The following RBFOX3 variants were observed in gnomAD, a reference collection of about 807,000 sequenced individuals.
RBFOX3 encodes RNA binding fox-1 homolog 3.
Under a neutral mutation model 48.7 loss-of-function variants are expected in RBFOX3, and 17 were observed. The ratio of observed to expected loss-of-function variants is 0.35; its 90% CI spans 0.24 to 0.52. The LOEUF (loss-of-function observed/expected upper bound fraction) is 0.52, where lower values mean the gene tolerates loss of function less well. Ranked by LOEUF, RBFOX3 falls within the 20% of genes least tolerant of loss-of-function variation. RBFOX3 has a pLI of 0.94. For missense variants in RBFOX3, 382 were observed against 497.5 expected, an observed-to-expected ratio of 0.77 and a Z score of 2.21; for synonymous variants, 212 against 209.5, an observed-to-expected ratio of 1.01 and a Z score of -0.10.
At chr17:79,587,527 G>A (rs1172820768) in intron 1 of RBFOX3, among the ~76,000 whole-genome samples, 1 of 152,224 alleles carries the variant, frequency 6.6e-6, no homozygotes, top group Non-Finnish European at 1.5e-5. Context: ...GAAGGCGGCT[G>A]GTGAGAATAA....
At chr17:79,132,271 G>C (rs2039101729) in intron 4 of RBFOX3, among the ~76,000 whole-genome samples, 1 of 150,302 alleles carries the variant, frequency 6.7e-6, no homozygotes, top group South Asian at 2.1e-4. Flanking sequence ...CTGGGGTGGG[G>C]TGGGGTGGGG....
Position 79,254,820 on chromosome 17 carries a change from G to A in RBFOX3, c.-73-19015C>T, listed in dbSNP as rs958624383. On this transcript the variant is annotated intron_variant, in intron 3 of 14. Coordinates refer to ENST00000693108, the MANE Select transcript of RBFOX3 (RefSeq NM_001350451.2). This position sits in a 1 kb window ranked among gnomAD's most constrained non-coding sequence, Gnocchi z 4.8. ...GGGTCCCAGAATGTCTGGAAGTGCTGGATGGCCCAGGTTATGGCCACTTGG... is the reference window on the plus strand; with the variant it reads ...GGGTCCCAGAATGTCTGGAAGTGCTAGATGGCCCAGGTTATGGCCACTTGG... Among the ~76,000 whole-genome samples, 1 of 152,180 alleles carries A rather than the reference G, an allele frequency of 6.6e-6. No individual in the cohort carries two copies. Among genetic ancestry groups the A allele is most frequent in the Non-Finnish European group, 1.5e-5 (1 of 68,026 alleles).
chr17:79,618,783 G>A, the RBFOX3 span, among the ~76,000 whole-genome samples: 1 of 152,176 alleles, frequency 6.6e-6, no homozygotes, highest in South Asian at 2.1e-4. Context: ...CAAAGCGTCT[G>A]AATGTTAATG....
At chr17:79,131,156 G>A (rs1014524606) in intron 4 of RBFOX3, among the ~76,000 whole-genome samples, 4 of 151,612 alleles carry the variant, frequency 2.6e-5, no homozygotes, top group African/African-American at 9.7e-5. Context: ...TGTGTGTACC[G>A]TGTGTGAGCC....
At chr17:79,596,087 C>T (rs2093561375) in intron 1 of RBFOX3, among the ~76,000 whole-genome samples, 1 of 152,150 alleles carries the variant, frequency 6.6e-6, no homozygotes, top group Non-Finnish European at 1.5e-5. Context: ...CTCTTATCTA[C>T]TCCTCATTCC....
chr17:79,178,984 G>A (rs1482043945), intron 4 of RBFOX3, among the ~76,000 whole-genome samples: 2 of 152,156 alleles, frequency 1.3e-5, no homozygotes, highest in African/African-American at 2.4e-5. Flanking sequence ...GCCAGTGGTG[G>A]GATACTCTCT....
intron 8 of RBFOX3, among the ~76,000 whole-genome samples, 199 bp downstream of exon 8, chr17:79,102,963 A>C (rs1017817969): frequency 1.6e-4 from 25 of 152,076 alleles, no homozygotes; most frequent in Admixed American, 5.9e-4. Flanking sequence ...ACCTCGGGTG[A>C]GCCTGAAGGG....
chr17:79,358,339 G>A (rs1183548724), intron 2 of RBFOX3, among the ~76,000 whole-genome samples: 2 of 152,196 alleles, frequency 1.3e-5, no homozygotes, highest in Non-Finnish European at 2.9e-5. Context: ...CAGCACTGGC[G>A]AGGATGCTCA....
chr17:79,473,408 T>C lies in RBFOX3; in HGVS notation c.-175+9046A>G, dbSNP rs1233465791. ...GAACTGTTGTGAGGATTCACGATGA[T>C]TCATATATATTTTGGGACGAGAACC... On this transcript the variant is annotated intron_variant, in intron 2 of 14. Coordinates refer to ENST00000693108, the MANE Select transcript of RBFOX3 (RefSeq NM_001350451.2). This position sits in a 1 kb window ranked among gnomAD's most constrained non-coding sequence, Gnocchi z 4.2. 6.6e-6 allele frequency among the ~76,000 whole-genome samples: 1 copy of C among 152,166 alleles called. No individual in the cohort carries two copies.
chr17:79,213,510 G>T (rs2058644064), intron 4 of RBFOX3, among the ~76,000 whole-genome samples: 1 of 152,222 alleles, frequency 6.6e-6, no homozygotes, highest in Non-Finnish European at 1.5e-5. Context: ...CCCCTTCTTG[G>T]CCTCCCACCC....
intron 2 of RBFOX3, among the ~76,000 whole-genome samples, chr17:79,388,972 G>C (rs2060965023): frequency 6.6e-6 from 1 of 152,224 alleles, no homozygotes; most frequent in Non-Finnish European, 1.5e-5. Flanking sequence ...TTGCCTCTCA[G>C]CTTCCTTCGC....
At chr17:79,474,713 C>G (rs1452344974) in intron 2 of RBFOX3, among the ~76,000 whole-genome samples, 2 of 152,124 alleles carry the variant, frequency 1.3e-5, no homozygotes, top group African/African-American at 4.8e-5. Context: ...TGGGTCTCCC[C>G]CAGCCCTGGA....
At chr17:79,169,731 G>C (rs962030334) in intron 4 of RBFOX3, among the ~76,000 whole-genome samples, 2 of 152,244 alleles carry the variant, frequency 1.3e-5, no homozygotes, top group African/African-American at 2.4e-5. Flanking sequence ...GGGAGAACGG[G>C]AGGTGGCTGC....
chr17:79,393,200 G>A (rs867444053), intron 2 of RBFOX3, among the ~76,000 whole-genome samples: 5 of 152,216 alleles, frequency 3.3e-5, no homozygotes, highest in African/African-American at 1.2e-4. Flanking sequence ...TTATGGAGAC[G>A]GATTTGGGGT....
intron 4 of RBFOX3, 106 bp from the exon 5 acceptor site, chr17:79,115,854 A>C: frequency 1.8e-6 from 1 of 544,320 alleles, no homozygotes; most frequent in Non-Finnish European, 3.2e-6. Flanking sequence ...CAGTATTTTC[A>C]GCAGCCTTTC....
chr17:79,292,610 AC>A (rs2073540740), intron 3 of RBFOX3, among the ~76,000 whole-genome samples: 1 of 69,526 alleles, frequency 1.4e-5, no homozygotes, highest in African/African-American at 5.5e-5. Context: ...GCACACACAC[AC>A]ACACATACAT....
At position 79,298,728 on chromosome 17, in the gene RBFOX3, G is replaced by A. The variant is rs973656645; in HGVS notation, c.-74+8996C>T. 3.2e-4 allele frequency among the ~76,000 whole-genome samples: 49 copies of A among 152,182 alleles called. 1 individual carries two copies. The highest frequency in any genetic ancestry group is 1.1e-3 in the African/African-American group (46 of 41,440). On this transcript the variant is annotated intron_variant, in intron 3 of 14. Transcript: ENST00000693108. ...CAGGGCCCAGCTGGGGAAGCTGGGG[G>A]TCCTACCTCTTGACACTGCCCCCAC...
chr17:79,552,906 G>T (rs910365764), intron 1 of RBFOX3, among the ~76,000 whole-genome samples: 3 of 152,076 alleles, frequency 2.0e-5, no homozygotes, highest in Non-Finnish European at 4.4e-5. Flanking sequence ...AGTTTTTCAT[G>T]GATTCTCTAG....
chr17:79,612,720 G>A (rs2093978183), upstream of RBFOX3, among the ~76,000 whole-genome samples: 3 of 152,220 alleles, frequency 2.0e-5, no homozygotes, highest in African/African-American at 7.2e-5. Flanking sequence ...CACCGGATTT[G>A]AAATGGCGCA....
Sources: gnomAD v4.1 joint callset for allele counts (sites outside exome capture counted in the v4.1 genomes callset) on GRCh38, gnomAD v4.1.1 for gene constraint, Gnocchi (gnomAD v3.1) non-coding constraint, MANE v1.5 for transcripts, NCBI Gene and HGNC (gene_info 2026-07-23, HGNC 2026-07-21) for gene names.